BCAS3: variants seen among roughly 807,000 people sequenced by gnomAD.
BCAS3 encodes the protein BCAS3 microtubule associated cell migration factor.
BCAS3 carries 53 observed loss-of-function variants against 116.1 expected under a neutral mutation model. That is an observed-to-expected ratio of 0.46 (90% CI 0.37 to 0.57). BCAS3 has a LOEUF of 0.57. BCAS3 is among the 20% of genes least tolerant of loss of function. BCAS3 has a pLI of 0.00. For missense variants in BCAS3, 917 were observed against 1,165.4 expected (o/e 0.79, Z 3.10); for synonymous variants, 391 against 408.2 (o/e 0.96, Z 0.51).
chr17:60,715,436 C>G (rs2038477347), intron 5 of BCAS3, among the ~76,000 whole-genome samples: 1 of 152,038 alleles, frequency 6.6e-6, no homozygotes, highest in Non-Finnish European at 1.5e-5. Flanking sequence ...TTCAAATCTA[C>G]TAGTTATTGT....
At chr17:60,816,520 G>A (rs1568313679) in intron 7 of BCAS3, among the ~76,000 whole-genome samples, 2 of 152,002 alleles carry the variant, frequency 1.3e-5, no homozygotes, top group African/African-American at 2.4e-5. Flanking sequence ...TGATCCGCCC[G>A]CCTCGGCCCC....
At chr17:60,715,815 T>C (rs2038530689) in intron 5 of BCAS3, among the ~76,000 whole-genome samples, 1 of 151,322 alleles carries the variant, frequency 6.6e-6, no homozygotes, top group South Asian at 2.1e-4. Flanking sequence ...GTTTTTTTTC[T>C]CCCAGTGTTA....
chr17:60,900,755 G>T (rs773168806), intron 10 of BCAS3, among the ~76,000 whole-genome samples: 1 of 150,690 alleles, frequency 6.6e-6, no homozygotes, highest in Non-Finnish European at 1.5e-5. Context: ...TCATTTGATA[G>T]AATTTTGCAC....
At chr17:61,184,300 A>G (rs1270441831) in intron 22 of BCAS3, among the ~76,000 whole-genome samples, 2 of 151,920 alleles carry the variant, frequency 1.3e-5, no homozygotes, top group African/African-American at 4.8e-5. Context: ...AATAATGAGG[A>G]AAAAAACTCA....
intron 22 of BCAS3, among the ~76,000 whole-genome samples, chr17:61,320,608 G>A (rs1238424659): frequency 4.0e-5 from 6 of 151,622 alleles, no homozygotes; most frequent in South Asian, 2.1e-4. Context: ...CCCGGGAGGC[G>A]GAGCTTGCAG....
At position 61,220,972 on chromosome 17, in the gene BCAS3, C is replaced by T. The variant is rs891790551; in HGVS notation, c.2425+136408C>T. The stretch of plus-strand genomic sequence containing the variant: ...AAAATTAGCTGGGCATGGTGGCGGG[C>T]GCCTGTAGTCCCAGCTATTTGGGAG... On this transcript the variant is annotated intron_variant, in intron 22 of 23. Coordinates refer to ENST00000407086, the MANE Select transcript of BCAS3 (RefSeq NM_017679.5). This position sits in a 1 kb window ranked among gnomAD's most constrained non-coding sequence, Gnocchi z 4.5. Among the ~76,000 whole-genome samples the T allele has an allele frequency of 5.9e-5, 9 of 152,054 alleles. No individual in the cohort carries two copies. The highest frequency in any genetic ancestry group is 2.1e-4 in the South Asian group (1 of 4,810).
chr17:60,938,750 A>ATAGG (rs1458678189), intron 13 of BCAS3, among the ~76,000 whole-genome samples: 1 of 151,956 alleles, frequency 6.6e-6, no homozygotes, highest in Non-Finnish European at 1.5e-5. Flanking sequence ...AGATAGATAG[A>ATAGG]TAGATAGATA....
intron 6 of BCAS3, among the ~76,000 whole-genome samples, chr17:60,771,891 T>A (rs2044749661): frequency 6.6e-6 from 1 of 152,250 alleles, no homozygotes; most frequent in African/African-American, 2.4e-5. Flanking sequence ...GAGCTCATCC[T>A]TTTTTATGGC....
intron 23 of BCAS3, among the ~76,000 whole-genome samples, chr17:61,369,738 G>A (rs1224814316): frequency 6.6e-6 from 1 of 152,202 alleles, no homozygotes; most frequent in Non-Finnish European, 1.5e-5. Flanking sequence ...GGGGGAGCTT[G>A]GCTACATGGG....
chr17:61,295,347 G>A (rs2052790790), intron 22 of BCAS3, among the ~76,000 whole-genome samples: 1 of 152,198 alleles, frequency 6.6e-6, no homozygotes, highest in Non-Finnish European at 1.5e-5. Flanking sequence ...GTTGGTGATG[G>A]AGACTTCTGC....
chr17:61,366,216 C>T lies in BCAS3; in HGVS notation c.2426-2111C>T, dbSNP rs952396274. Reference sequence around the variant, plus strand: ...TCTTGTTATCATTAAGTCCTTGCGTCGCATGCAGACCCTTCAGAGAAACGA... The same window carrying T: ...TCTTGTTATCATTAAGTCCTTGCGTTGCATGCAGACCCTTCAGAGAAACGA... On this transcript the variant is annotated intron_variant, in intron 22 of 23. Transcript: ENST00000407086. The surrounding 1 kb of genome is among the most constrained non-coding windows in gnomAD (Gnocchi z 4.5). Among the ~76,000 whole-genome samples the T allele has an allele frequency of 1.3e-5, 2 of 151,672 alleles. No individual in the cohort carries two copies. Among genetic ancestry groups the T allele is most frequent in the African/African-American group, 4.8e-5 (2 of 41,248 alleles).
chr17:60,999,310 C>T (rs1009460222), intron 15 of BCAS3, among the ~76,000 whole-genome samples: 7 of 151,914 alleles, frequency 4.6e-5, no homozygotes, highest in African/African-American at 7.3e-5. Context: ...GAGATGAAGG[C>T]GGATGGATCA....
intron 6 of BCAS3, among the ~76,000 whole-genome samples, chr17:60,788,819 A>G (rs1247266750): frequency 6.6e-6 from 1 of 152,176 alleles, no homozygotes; most frequent in Non-Finnish European, 1.5e-5. Flanking sequence ...TGGTAAGAAA[A>G]TAGAATTTTG....
rs868181825 is a variant in BCAS3, at chr17:61,287,258, C to G, written c.2426-81069C>G. ...GCCAGACTCTTAAAAAAAAAAAAAACTCTATGGAGTTGGGGAACAGATCTC... is the reference window on the plus strand; with the variant it reads ...GCCAGACTCTTAAAAAAAAAAAAAAGTCTATGGAGTTGGGGAACAGATCTC... On this transcript the variant is annotated intron_variant, in intron 22 of 23. Transcript: ENST00000407086. Among the ~76,000 whole-genome samples the G allele has an allele frequency of 2.7e-5, 4 of 150,240 alleles. No homozygotes were observed. In the South Asian group the frequency reaches 8.4e-4, roughly 32 times the overall value.
chr17:60,782,561 GTTA>G (rs59139545), intron 6 of BCAS3, among the ~76,000 whole-genome samples: 6,656 of 142,406 alleles, frequency 0.047, 215 homozygotes, highest in African/African-American at 0.078. Context: ...GTCTTTATAA[GTTA>G]TTATTATTAT....
At chr17:60,731,698 T>A (rs2040466066) in intron 5 of BCAS3, among the ~76,000 whole-genome samples, 1 of 152,148 alleles carries the variant, frequency 6.6e-6, no homozygotes, top group Admixed American at 6.5e-5. Flanking sequence ...TAATAGGCTT[T>A]ATTTATTTGA....
intron 22 of BCAS3, among the ~76,000 whole-genome samples, chr17:61,137,907 C>T (rs1309440218): frequency 6.6e-6 from 1 of 152,162 alleles, no homozygotes; most frequent in Non-Finnish European, 1.5e-5. Flanking sequence ...CACTGAGGAG[C>T]CACTGTTTTC....
intron 8 of BCAS3, 46 bp downstream of exon 8, chr17:60,868,729 T>G (rs867427251): frequency 8.3e-7 from 1 of 1,201,438 alleles, no homozygotes; most frequent in Middle Eastern, 2.0e-4. Context: ...AGAAACATGC[T>G]CTCCTGGGCA....
chr17:61,303,387 T>C (rs2053603043), intron 22 of BCAS3, among the ~76,000 whole-genome samples: 2 of 152,222 alleles, frequency 1.3e-5, no homozygotes, highest in Admixed American at 1.3e-4. Flanking sequence ...AAACATCCAG[T>C]GGGTGAGAAG....
Sources: gnomAD v4.1 joint callset for allele counts (sites outside exome capture counted in the v4.1 genomes callset) on GRCh38, gnomAD v4.1.1 for gene constraint, Gnocchi (gnomAD v3.1) non-coding constraint, MANE v1.5 for transcripts, NCBI Gene and HGNC (gene_info 2026-07-23, HGNC 2026-07-21) for gene names.